RAD51B: variants seen among roughly 807,000 people sequenced by gnomAD.
RAD51B encodes the protein RAD51 paralog B, also known as DNA repair protein RAD51 homolog 2.
Under a neutral mutation model 42.2 loss-of-function variants are expected in RAD51B, and 38 were observed. The observed-to-expected ratio is 0.90, with a 90% CI of 0.70 to 1.18. The LOEUF (loss-of-function observed/expected upper bound fraction) is 1.18. RAD51B is among the 50% of genes most tolerant of loss of function. The probability of loss-of-function intolerance (pLI) is 0.00; values close to 1 mark genes in which losing one functional copy is unlikely to be tolerated. For synonymous variants in RAD51B, 154 were observed against 145.2 expected, an observed-to-expected ratio of 1.06 and a Z score of -0.43; for missense variants, 373 against 400.7, an observed-to-expected ratio of 0.93 and a Z score of 0.59.
chr14:68,173,093 G>A (rs2078902871), intron 7 of RAD51B, among the ~76,000 whole-genome samples: 1 of 152,210 alleles, frequency 6.6e-6, no homozygotes, highest in African/African-American at 2.4e-5. Flanking sequence ...TACAGGTGAA[G>A]AAGTAGAACT....
At chr14:67,924,338 C>A (rs1028310333) in intron 7 of RAD51B, among the ~76,000 whole-genome samples, 4 of 152,068 alleles carry the variant, frequency 2.6e-5, no homozygotes, top group African/African-American at 9.7e-5. Context: ...CCAATGTTAT[C>A]TGCTAGAATT....
intron 10 of RAD51B, among the ~76,000 whole-genome samples, chr14:68,550,126 TG>T (rs1357141264): frequency 6.6e-6 from 1 of 152,226 alleles, no homozygotes; most frequent in Admixed American, 6.5e-5. Context: ...GCTCACTTCC[TG>T]TGCACACGCT....
intron 8 of RAD51B, among the ~76,000 whole-genome samples, chr14:68,389,982 G>T (rs1489043171): frequency 6.6e-6 from 1 of 152,178 alleles, no homozygotes; most frequent in Non-Finnish European, 1.5e-5. Flanking sequence ...TCTGAGAATG[G>T]CTTGTTAGAG....
chr14:67,824,383 G>C (rs774082446), intron 2 of RAD51B, among the ~76,000 whole-genome samples: 1 of 152,068 alleles, frequency 6.6e-6, no homozygotes, highest in African/African-American at 2.4e-5. Flanking sequence ...TCCATCTCCT[G>C]AGTAGCTGGG....
chr14:68,075,890 G>T (rs967495655), intron 7 of RAD51B, among the ~76,000 whole-genome samples: 17 of 152,262 alleles, frequency 1.1e-4, no homozygotes, highest in African/African-American at 3.6e-4. Context: ...AATAAGGGCA[G>T]TCCTGCTGCA....
Position 68,001,042 on chromosome 14 carries a change from A to G in RAD51B, c.756+113838A>G, listed in dbSNP as rs117904917. Among the ~76,000 whole-genome samples the G allele has an allele frequency of 1.5e-3, 224 of 152,254 alleles. 1 individual carries two copies. Among genetic ancestry groups the G allele is most frequent in the Middle Eastern group, 3.4e-3 (1 of 294 alleles). ...ATAATATTATAGACTTTTGTCCTCAAAGATCTTACAAATCATAATTTGGTT... is the reference window on the plus strand; with the variant it reads ...ATAATATTATAGACTTTTGTCCTCAGAGATCTTACAAATCATAATTTGGTT... On this transcript the variant is annotated intron_variant, in intron 7 of 10. Transcript: ENST00000471583.
At chr14:68,555,781 G>A (rs1029611929) in intron 10 of RAD51B, among the ~76,000 whole-genome samples, 1 of 152,166 alleles carries the variant, frequency 6.6e-6, no homozygotes, top group African/African-American at 2.4e-5. Context: ...TGACAGCTGG[G>A]TGAAATCATA....
chr14:68,113,748 C>G (rs1815867793), intron 7 of RAD51B: 2 of 152,034 alleles, frequency 1.3e-5, no homozygotes. Flanking sequence ...GAATGGAGCC[C>G]TTATCACAGT....
At chr14:67,976,517 T>G (rs1481532981) in intron 7 of RAD51B, among the ~76,000 whole-genome samples, 1 of 152,072 alleles carries the variant, frequency 6.6e-6, no homozygotes, top group Non-Finnish European at 1.5e-5. Context: ...ACGTGCAGGT[T>G]TGTTACATAT....
chr14:68,010,116 A>G (rs2075658700), intron 7 of RAD51B, among the ~76,000 whole-genome samples: 1 of 151,898 alleles, frequency 6.6e-6, no homozygotes, highest in Admixed American at 6.6e-5. Context: ...ATATGCTATT[A>G]TCATTTCATT....
intron 7 of RAD51B, among the ~76,000 whole-genome samples, chr14:68,132,603 T>C (rs879722227): frequency 3.3e-5 from 5 of 152,198 alleles, no homozygotes; most frequent in Non-Finnish European, 5.9e-5. Context: ...GAATGTCTCA[T>C]GTGAACAAAG....
intron 10 of RAD51B, among the ~76,000 whole-genome samples, chr14:68,498,420 C>T (rs932014086): frequency 6.6e-6 from 1 of 152,194 alleles, no homozygotes; most frequent in Non-Finnish European, 1.5e-5. Flanking sequence ...TCACTTCTTT[C>T]CAGTTAGTCC....
chr14:68,162,786 AAAAAC>A (rs1301891956), intron 7 of RAD51B, among the ~76,000 whole-genome samples: 4 of 152,038 alleles, frequency 2.6e-5, no homozygotes, highest in Admixed American at 6.6e-5. Context: ...ATCCGTCTCA[AAAAAC>A]AAAACAAAAC....
intron 7 of RAD51B, among the ~76,000 whole-genome samples, chr14:68,200,857 T>C (rs534015866): frequency 6.6e-6 from 1 of 152,106 alleles, no homozygotes; most frequent in African/African-American, 2.4e-5. Context: ...GAGGTCTCGC[T>C]ATGTTGCCCA....
intron 5 of RAD51B, among the ~76,000 whole-genome samples, chr14:67,872,111 TA>T (rs2042556703): frequency 6.6e-6 from 1 of 150,596 alleles, no homozygotes; most frequent in Non-Finnish European, 1.5e-5. Context: ...GAGAAGGAAA[TA>T]AAGGGTATTC....
chr14:68,092,792 A>G (rs1206087693), intron 7 of RAD51B, among the ~76,000 whole-genome samples: 1 of 152,124 alleles, frequency 6.6e-6, no homozygotes, highest in Non-Finnish European at 1.5e-5. Context: ...TTCAAAGGGA[A>G]TGCTTCCAGT....
chr14:68,132,655 A>C (rs961378168), intron 7 of RAD51B, among the ~76,000 whole-genome samples: 8 of 152,222 alleles, frequency 5.3e-5, no homozygotes, highest in Non-Finnish European at 1.5e-5. Context: ...CAGGCATCCC[A>C]CTGGGCCCCA....
At chr14:68,673,243 T>G (rs570143408) in intron 11 of RAD51B, among the ~76,000 whole-genome samples, 1 of 152,318 alleles carries the variant, frequency 6.6e-6, no homozygotes, top group Non-Finnish European at 1.5e-5. Flanking sequence ...AGGTTTTGTT[T>G]TCACCAAAGG....
chr14:67,833,484 G>A (rs1169602371), intron 3 of RAD51B, among the ~76,000 whole-genome samples: 1 of 152,194 alleles, frequency 6.6e-6, no homozygotes, highest in Non-Finnish European at 1.5e-5. Flanking sequence ...CTCAGTGGAT[G>A]TTTGAAAATT....
Sources: allele counts gnomAD v4.1 joint callset (sites outside exome capture counted in the v4.1 genomes callset), GRCh38; gene constraint gnomAD v4.1.1; transcripts MANE v1.5; gene names NCBI Gene and HGNC (gene_info 2026-07-23, HGNC 2026-07-21).